The following CDH4 variants were observed in gnomAD, a reference collection of about 807,000 sequenced individuals.
CDH4 encodes cadherin-4.
In CDH4, 33 loss-of-function variants were observed where a neutral mutation model predicts 86.0. That is an observed-to-expected ratio of 0.38 (90% CI 0.29 to 0.51). The LOEUF (loss-of-function observed/expected upper bound fraction) is 0.51. Ranked by LOEUF, CDH4 falls within the 20% of genes least tolerant of loss-of-function variation. The pLI, the probability that CDH4 is intolerant of heterozygous loss-of-function variation, is 0.86. For synonymous variants in CDH4, 555 were observed against 549.4 expected (o/e 1.01, Z -0.14); for missense variants, 1,114 against 1,307.4 (o/e 0.85, Z 2.28).
Position 61,940,220 on chromosome 20 carries a change from G to A in CDH4, c.*3277G>A, listed in dbSNP as rs1160811550. Reference sequence around the variant, plus strand: ...GACCACCTCTCTGTACAATTGGAATGCGTTTTACTTTTCTTTTCTCTCCTT... The same window carrying A: ...GACCACCTCTCTGTACAATTGGAATACGTTTTACTTTTCTTTTCTCTCCTT... On this transcript the variant is annotated 3_prime_UTR_variant, in exon 16 of 16. Coordinates refer to ENST00000614565, the MANE Select transcript of CDH4 (RefSeq NM_001794.5). 2 of 152,118 alleles carry A rather than the reference G, an allele frequency of 1.3e-5. No individual in the cohort carries two copies. Among genetic ancestry groups the A allele is most frequent in the African/African-American group, 2.4e-5 (1 of 41,420 alleles). The allele number at this position is 152,118 out of a possible 1,614,324, so 9.4% of individuals were successfully genotyped here.
At chr20:61,324,851 A>G (rs1427499099) in intron 2 of CDH4, among the ~76,000 whole-genome samples, 2 of 152,306 alleles carry the variant, frequency 1.3e-5, no homozygotes, top group Middle Eastern at 3.4e-3. Flanking sequence ...AGGGTGTGGC[A>G]GGCACTTGAC....
At chr20:61,673,398 G>T (rs182070591) in intron 2 of CDH4, among the ~76,000 whole-genome samples, 1 of 152,218 alleles carries the variant, frequency 6.6e-6, no homozygotes. Context: ...AAAGGCCCAC[G>T]TGAAGGGCAT....
chr20:61,788,011 G>A (rs1247998300), intron 4 of CDH4, among the ~76,000 whole-genome samples: 1 of 152,170 alleles, frequency 6.6e-6, no homozygotes, highest in African/African-American at 2.4e-5. Flanking sequence ...AGAGTGATGT[G>A]GTGTGGCATA....
intron 2 of CDH4, among the ~76,000 whole-genome samples, chr20:61,382,755 G>T (rs2084911236): frequency 6.6e-6 from 1 of 152,080 alleles, no homozygotes; most frequent in South Asian, 2.1e-4. Context: ...CACCTCCATG[G>T]CCTTCTCCCT....
At position 61,392,270 on chromosome 20, in the gene CDH4, G is replaced by A. The variant is rs1315934337; in HGVS notation, c.169+137333G>A. Among the ~76,000 whole-genome samples, 1 of 151,988 alleles carries A rather than the reference G, an allele frequency of 6.6e-6. No homozygotes were observed. The highest frequency in any genetic ancestry group is 1.5e-5 in the Non-Finnish European group (1 of 68,016). On this transcript the variant is annotated intron_variant, in intron 2 of 15. Coordinates refer to ENST00000614565, the MANE Select transcript of CDH4 (RefSeq NM_001794.5). The surrounding 1 kb of genome is among the most constrained non-coding windows in gnomAD (Gnocchi z 5.7). ...GGCTGGGGAGGGACAGGAACCCGAGGCAGATCCTTCCACCAAACGAGTGTT... is the reference window on the plus strand; with the variant it reads ...GGCTGGGGAGGGACAGGAACCCGAGACAGATCCTTCCACCAAACGAGTGTT...
Position 61,663,403 on chromosome 20 carries a change from G to A in CDH4, c.170-80160G>A, listed in dbSNP as rs537353087. On this transcript the variant is annotated intron_variant, in intron 2 of 15. Transcript: ENST00000614565. The surrounding 1 kb of genome is among the most constrained non-coding windows in gnomAD (Gnocchi z 5.0). Reference sequence around the variant, plus strand: ...GCCTCTCTGAGGAGGCAGTGTTTGCGCTGAAACCTAGAAAAAGAGCTGCGT... The same window carrying A: ...GCCTCTCTGAGGAGGCAGTGTTTGCACTGAAACCTAGAAAAAGAGCTGCGT... Among the ~76,000 whole-genome samples the A allele has an allele frequency of 1.8e-4, 27 of 152,328 alleles. No homozygotes were observed. Among genetic ancestry groups the A allele is most frequent in the African/African-American group, 4.6e-4 (19 of 41,582 alleles).
rs1300236096 is a variant in CDH4, at chr20:61,895,063, C to G, written c.1188+16C>G. The G allele has an allele frequency of 6.2e-7, 1 of 1,612,312 alleles. No homozygotes were observed. The highest frequency in any genetic ancestry group is 1.1e-5 in the South Asian group (1 of 90,846). On this transcript the variant is annotated intron_variant, in intron 8 of 15. Transcript: ENST00000614565. ...CGCCAGCACGGTGAGTCCCTCGAAGCTGCCCAGTGACGCATGGCCCGTGCA... is the reference window on the plus strand; with the variant it reads ...CGCCAGCACGGTGAGTCCCTCGAAGGTGCCCAGTGACGCATGGCCCGTGCA...
At position 61,928,182 on chromosome 20, in the gene CDH4, T is replaced by C; in HGVS notation, c.1772-8T>C. 65 of 1,596,250 alleles carry C rather than the reference T, an allele frequency of 4.1e-5. No homozygotes were observed. The highest frequency in any genetic ancestry group is 5.2e-5 in the Non-Finnish European group (61 of 1,176,890). On this transcript the variant is annotated splice_polypyrimidine_tract_variant and splice_region_variant and intron_variant, in intron 11 of 15. Transcript: ENST00000614565. ...TGGCCCGTGTGGTGACCTGTGTCTGTTCCACAGGGATACCCCCGGCCAGCG... is the reference window on the plus strand; with the variant it reads ...TGGCCCGTGTGGTGACCTGTGTCTGCTCCACAGGGATACCCCCGGCCAGCG...
At chr20:61,323,572 C>T (rs993031986) in intron 2 of CDH4, among the ~76,000 whole-genome samples, 12 of 152,160 alleles carry the variant, frequency 7.9e-5, no homozygotes, top group East Asian at 5.8e-4. Flanking sequence ...TCATGTTACG[C>T]GGGCCTGCAA....
chr20:61,341,825 G>A (rs1163068125), intron 2 of CDH4, among the ~76,000 whole-genome samples: 1 of 152,158 alleles, frequency 6.6e-6, no homozygotes. Flanking sequence ...AGAGTGACAG[G>A]CCAGAGACCA....
intron 2 of CDH4, among the ~76,000 whole-genome samples, chr20:61,507,650 A>G (rs1048236243): frequency 2.0e-5 from 3 of 152,202 alleles, no homozygotes; most frequent in Non-Finnish European, 4.4e-5. Context: ...GTCACCAAAA[A>G]TGAGGAAAAT....
chr20:61,652,754 G>T lies in CDH4; in HGVS notation c.170-90809G>T, dbSNP rs1043379620. On this transcript the variant is annotated intron_variant, in intron 2 of 15. Coordinates refer to ENST00000614565, the MANE Select transcript of CDH4 (RefSeq NM_001794.5). ...AATTTTTCCTGGGTAGATTCCCAAGGGTTATACTTAGGAATTAATTCATGG... is the reference window on the plus strand; with the variant it reads ...AATTTTTCCTGGGTAGATTCCCAAGTGTTATACTTAGGAATTAATTCATGG... Among the ~76,000 whole-genome samples, 78 of 150,030 alleles carry T rather than the reference G, an allele frequency of 5.2e-4. 1 individual carries two copies. Among genetic ancestry groups the T allele is most frequent in the African/African-American group, 1.8e-3 (74 of 40,772 alleles).
intron 2 of CDH4, among the ~76,000 whole-genome samples, chr20:61,267,338 G>A (rs546281009): frequency 6.6e-6 from 1 of 152,274 alleles, no homozygotes; most frequent in East Asian, 1.9e-4. Context: ...AGGGCTTCAG[G>A]CTTAGAGGAT....
intron 5 of CDH4, among the ~76,000 whole-genome samples, chr20:61,846,557 GAC>G (rs929070973): frequency 6.6e-6 from 1 of 152,118 alleles, no homozygotes; most frequent in Non-Finnish European, 1.5e-5. Context: ...GGGAGACAGA[GAC>G]ACAGAGAGAG....
chr20:61,548,095 T>G (rs2145668617), intron 2 of CDH4, among the ~76,000 whole-genome samples: 1 of 152,292 alleles, frequency 6.6e-6, no homozygotes, highest in East Asian at 1.9e-4. Flanking sequence ...CCTACCCCAG[T>G]GTCCCATGCT....
chr20:61,674,665 A>G (rs937624176), intron 2 of CDH4, among the ~76,000 whole-genome samples: 6 of 152,242 alleles, frequency 3.9e-5, no homozygotes, highest in East Asian at 1.9e-4. Context: ...ATTTAACCCA[A>G]TATATCCAAA....
chr20:61,812,515 T>G (rs189707235), intron 4 of CDH4, among the ~76,000 whole-genome samples: 1 of 152,258 alleles, frequency 6.6e-6, no homozygotes, highest in East Asian at 1.9e-4. Flanking sequence ...CTCTTTGACG[T>G]ATCCTTTAAC....
intron 2 of CDH4, among the ~76,000 whole-genome samples, chr20:61,372,915 G>A (rs1373037523): frequency 1.3e-5 from 2 of 152,262 alleles, no homozygotes; most frequent in Non-Finnish European, 2.9e-5. Flanking sequence ...CTCAGCAGCA[G>A]GCGTGGACAC....
intron 2 of CDH4, among the ~76,000 whole-genome samples, chr20:61,567,501 G>A (rs1476540426): frequency 2.6e-5 from 4 of 152,176 alleles, no homozygotes; most frequent in African/African-American, 9.7e-5. Flanking sequence ...CCCCATTCAG[G>A]AGGGCTCCAC....
Sources: gnomAD v4.1 joint callset for allele counts (sites outside exome capture counted in the v4.1 genomes callset) on GRCh38, gnomAD v4.1.1 for gene constraint, Gnocchi (gnomAD v3.1) non-coding constraint, MANE v1.5 for transcripts, NCBI Gene and HGNC (gene_info 2026-07-23, HGNC 2026-07-21) for gene names.